The following ZFAND3 variants were observed in gnomAD, a reference collection of about 807,000 sequenced individuals.
ZFAND3 encodes the protein AN1-type zinc finger protein 3.
In ZFAND3, 10 loss-of-function variants were observed where a neutral mutation model predicts 29.6. The observed-to-expected ratio is 0.34, with a 90% CI of 0.21 to 0.57. ZFAND3 has a LOEUF of 0.57. Ranked by LOEUF, ZFAND3 falls within the 20% of genes least tolerant of loss-of-function variation. The probability of loss-of-function intolerance (pLI) is 0.86; values close to 1 mark genes in which losing one functional copy is unlikely to be tolerated. For synonymous variants in ZFAND3, 128 were observed against 112.6 expected (o/e 1.14, Z -0.87); for missense variants, 230 against 304.5 (o/e 0.76, Z 1.82).
intron 2 of ZFAND3, among the ~76,000 whole-genome samples, chr6:37,957,904 T>C (rs557219586): frequency 6.6e-6 from 1 of 152,304 alleles, no homozygotes; most frequent in African/African-American, 2.4e-5. Flanking sequence ...GTGTGTGACA[T>C]ATAGGGTGTT....
At chr6:38,127,153 G>T (rs560077123) in intron 5 of ZFAND3, among the ~76,000 whole-genome samples, 74 of 152,088 alleles carry the variant, frequency 4.9e-4, no homozygotes, top group Non-Finnish European at 1.0e-3. Context: ...AGTCATCCTT[G>T]CCTTTTCCTT....
rs1766296961 is a variant in ZFAND3 at position 38,154,155 on chromosome 6, C to T, written c.*1766C>T. ...CCCAGCGTTTACCACTGCTGTCAAG[C>T]CACAGCCCTTGGCCACCATACGGGC... On this transcript the variant is annotated 3_prime_UTR_variant, in exon 6 of 6. Transcript: ENST00000287218. The T allele has an allele frequency of 2.0e-6, 2 of 985,506 alleles. No homozygotes were observed. The highest frequency in any genetic ancestry group is 6.1e-5 in the Admixed American group (1 of 16,276). The allele number at this position is 985,506 out of a possible 1,614,324, so 61.0% of individuals were successfully genotyped here.
intron 3 of ZFAND3, among the ~76,000 whole-genome samples, chr6:38,073,565 A>T (rs1446447340): frequency 6.6e-6 from 1 of 152,198 alleles, no homozygotes; most frequent in Non-Finnish European, 1.5e-5. Context: ...AAAACAAAAC[A>T]GTGTCTAAAA....
At chr6:38,150,091 A>T (rs532809526) in intron 5 of ZFAND3, among the ~76,000 whole-genome samples, 1 of 152,180 alleles carries the variant, frequency 6.6e-6, no homozygotes, top group Non-Finnish European at 1.5e-5. Flanking sequence ...TACTTGTTAG[A>T]TGGAGGATGC....
intron 3 of ZFAND3, among the ~76,000 whole-genome samples, chr6:38,075,879 C>T (rs1011892683): frequency 5.9e-5 from 9 of 151,968 alleles, no homozygotes; most frequent in Non-Finnish European, 8.8e-5. Flanking sequence ...AGCCTCCCGA[C>T]TAGCTGAGAC....
At position 38,116,669 on chromosome 6, in the gene ZFAND3, T is replaced by A. The variant is rs1314030107; in HGVS notation, c.459T>A (p.Ser153Arg). 1 of 1,613,388 alleles carries A rather than the reference T, an allele frequency of 6.2e-7. No individual in the cohort carries two copies. Among genetic ancestry groups the A allele is most frequent in the East Asian group, 2.2e-5 (1 of 44,842 alleles). The change falls in exon 5 of 6, where the codon AGT (serine) becomes AGA (arginine). Residue 153 changes from serine (S) to arginine (R), a missense_variant. By Grantham distance (110) the Ser-to-Arg change is moderately radical. This residue lies in a region of ZFAND3 where 180 missense variants were observed against 202.5 expected (regional missense o/e 0.89). Transcript: ENST00000287218. ...AAACCAGTCGATCTAAACAGAAGAG[T>A]CGACGTCGGTGCTTCCAGTGCCAAA... ...SEETSRSKQK[S>R]RRRCFQCQTK... is the part of the protein sequence containing the mutation.
intron 1 of ZFAND3, among the ~76,000 whole-genome samples, chr6:37,927,401 C>T (rs1264343688): frequency 2.0e-5 from 3 of 152,090 alleles, no homozygotes; most frequent in Non-Finnish European, 4.4e-5. Context: ...ATCAGAAGGG[C>T]GCCTGATTCT....
intron 2 of ZFAND3, among the ~76,000 whole-genome samples, chr6:38,011,434 A>C (rs1763151130): frequency 6.6e-6 from 1 of 152,204 alleles, no homozygotes; most frequent in Non-Finnish European, 1.5e-5. Context: ...GTAGTACATG[A>C]GCGTTCCAGT....
chr6:37,985,379 G>A (rs1437493385), intron 2 of ZFAND3, among the ~76,000 whole-genome samples: 1 of 152,182 alleles, frequency 6.6e-6, no homozygotes, highest in African/African-American at 2.4e-5. Context: ...TGTAATCCAA[G>A]CACTTTGGGA....
chr6:38,120,596 G>T (rs1765515149), intron 5 of ZFAND3, among the ~76,000 whole-genome samples: 1 of 151,988 alleles, frequency 6.6e-6, no homozygotes. Flanking sequence ...AAAGTGTTAG[G>T]ATTACAGGCA....
chr6:37,869,329 C>G (rs1318046381), intron 1 of ZFAND3, among the ~76,000 whole-genome samples: 1 of 151,454 alleles, frequency 6.6e-6, no homozygotes, highest in Non-Finnish European at 1.5e-5. Flanking sequence ...TGGCTAGTTT[C>G]TGTATTTTTA....
chr6:38,129,621 T>A (rs1235157408), intron 5 of ZFAND3, among the ~76,000 whole-genome samples: 1 of 152,158 alleles, frequency 6.6e-6, no homozygotes, highest in Non-Finnish European at 1.5e-5. Context: ...CAGAGGTCAG[T>A]TGACTCTAAG....
chr6:37,930,255 T>C (rs1449240441), intron 2 of ZFAND3, among the ~76,000 whole-genome samples: 1 of 152,174 alleles, frequency 6.6e-6, no homozygotes, highest in Non-Finnish European at 1.5e-5. Flanking sequence ...GGTTTACTGT[T>C]GTTGGTATAC....
intron 3 of ZFAND3, among the ~76,000 whole-genome samples, chr6:38,068,998 C>T (rs1483187672): frequency 6.6e-6 from 1 of 152,132 alleles, no homozygotes; most frequent in Non-Finnish European, 1.5e-5. Flanking sequence ...TGCTAGACTG[C>T]CCCGGGTCTT....
At chr6:38,044,866 T>C (rs1476502577) in intron 2 of ZFAND3, among the ~76,000 whole-genome samples, 1 of 152,102 alleles carries the variant, frequency 6.6e-6, no homozygotes, top group African/African-American at 2.4e-5. Flanking sequence ...GCTGAGACAA[T>C]TGAAGTATAA....
At chr6:38,021,142 G>C (rs6904932) in intron 2 of ZFAND3, among the ~76,000 whole-genome samples, 4,640 of 152,234 alleles carry the variant, frequency 0.03, 184 homozygotes, top group African/African-American at 0.088. Context: ...GGAGTCTTGG[G>C]TAAGAAGCTC....
In ZFAND3 at chr6:38,058,305, A is replaced by G. The variant is rs966277317; in HGVS notation, c.113-3288A>G. ...AGGATCATATAACATTTCCAATTAA[A>G]TGGTAGACAGATGGTTATGGGAGGG... is the stretch of plus-strand genomic sequence containing the variant. On this transcript the variant is annotated intron_variant, in intron 2 of 5. Coordinates refer to ENST00000287218, the MANE Select transcript of ZFAND3 (RefSeq NM_021943.3). 9.2e-5 allele frequency among the ~76,000 whole-genome samples: 14 copies of G among 152,322 alleles called. No homozygotes were observed. The East Asian group carries it at 2.7e-3, about 29-fold the overall frequency.
chr6:37,926,597 T>G (rs1489243141), intron 1 of ZFAND3, among the ~76,000 whole-genome samples: 1 of 152,184 alleles, frequency 6.6e-6, no homozygotes, highest in Non-Finnish European at 1.5e-5. Context: ...TTAATTAATT[T>G]GGAAAGGACC....
chr6:37,895,784 G>A (rs542756253), intron 1 of ZFAND3, among the ~76,000 whole-genome samples: 22 of 151,970 alleles, frequency 1.4e-4, no homozygotes, highest in African/African-American at 5.1e-4. Context: ...CTTTATTTTG[G>A]CATGCTGTTA....
Sources: allele counts gnomAD v4.1 joint callset (sites outside exome capture counted in the v4.1 genomes callset), GRCh38; gene constraint gnomAD v4.1.1; regional missense constraint gnomAD v4.1.1; transcripts MANE v1.5; gene names NCBI Gene and HGNC (gene_info 2026-07-23, HGNC 2026-07-21).